EQTN: variants seen among roughly 807,000 people sequenced by gnomAD.
EQTN encodes equatorin, also known as Acrosome formation associated factor.
EQTN carries 29 observed loss-of-function variants against 26.9 expected under a neutral mutation model. That is an observed-to-expected ratio of 1.08 (90% CI 0.80 to 1.47). The LOEUF (loss-of-function observed/expected upper bound fraction) is 1.47. Ranked by LOEUF, EQTN falls within the 40% of genes most tolerant of loss-of-function variation. EQTN has a pLI of 0.00. For synonymous variants in EQTN, 129 were observed against 120.0 expected, an observed-to-expected ratio of 1.07 and a Z score of -0.49; for missense variants, 391 against 346.1, an observed-to-expected ratio of 1.13 and a Z score of -1.03.
intron 5 of EQTN, 83 bp downstream of exon 5, chr9:27,290,936 G>T: frequency 8.6e-7 from 1 of 1,159,230 alleles, no homozygotes; most frequent in Non-Finnish European, 1.2e-6. Flanking sequence ...CTCAGTATTA[G>T]AGGTATTTAG....
At chr9:27,295,688 C>T (rs375522898) in intron 2 of EQTN, among the ~76,000 whole-genome samples, 11 of 151,916 alleles carry the variant, frequency 7.2e-5, no homozygotes, top group African/African-American at 1.9e-4. Flanking sequence ...AAAAATTAGC[C>T]GGGCGTGGTG....
Position 27,286,227 on chromosome 9 carries a change from T to C in EQTN, c.617A>G (p.Tyr206Cys). The change falls in exon 7 of 8, where the codon TAC (tyrosine) becomes TGC (cysteine). Residue 206 changes from tyrosine (Y) to cysteine (C), a missense_variant. Transcript: ENST00000380032. Reference sequence around the variant, plus strand: ...GACTTACCTCAGATGCCTCAGTTTGTACAGTGTAGCACTACAGAATGCCAA... The same window carrying C: ...GACTTACCTCAGATGCCTCAGTTTGCACAGTGTAGCACTACAGAATGCCAA... Reference protein sequence around the residue: ...VLLAFCSATLYKLRHLSYKSC... With the variant: ...VLLAFCSATLCKLRHLSYKSC... The C allele has an allele frequency of 6.2e-7, 1 of 1,614,018 alleles. No individual in the cohort carries two copies. Among genetic ancestry groups the C allele is most frequent in the Non-Finnish European group, 8.5e-7 (1 of 1,179,948 alleles).
chr9:27,291,853 G>A (rs1238233633), intron 4 of EQTN, among the ~76,000 whole-genome samples: 1 of 152,086 alleles, frequency 6.6e-6, no homozygotes, highest in East Asian at 1.9e-4. Flanking sequence ...CAATTAGGCC[G>A]CTTATTCAAG....
chr9:27,287,992 G>C (rs1480547859), intron 6 of EQTN, among the ~76,000 whole-genome samples: 1 of 152,110 alleles, frequency 6.6e-6, no homozygotes, highest in Non-Finnish European at 1.5e-5. Context: ...TTTTAACAGA[G>C]ACGGGGTTTC....
chr9:27,287,664 C>A (rs1354875285), intron 6 of EQTN, among the ~76,000 whole-genome samples: 1 of 152,098 alleles, frequency 6.6e-6, no homozygotes, highest in Non-Finnish European at 1.5e-5. Flanking sequence ...GCTCAATAAA[C>A]AATAAAATCA....
chr9:27,290,029 T>C (rs1314690570), intron 5 of EQTN, among the ~76,000 whole-genome samples: 2 of 152,232 alleles, frequency 1.3e-5, no homozygotes, highest in Non-Finnish European at 2.9e-5. Context: ...ACTTAATACA[T>C]ATTGTTGATT....
At chr9:27,292,754 G>A (rs1034031957) in intron 3 of EQTN, among the ~76,000 whole-genome samples, 9 of 152,090 alleles carry the variant, frequency 5.9e-5, no homozygotes, top group Non-Finnish European at 1.0e-4. Flanking sequence ...ATGCGGCCCC[G>A]GGCTTTCTTC....
intron 5 of EQTN, among the ~76,000 whole-genome samples, chr9:27,290,309 T>G (rs2131306756): frequency 7.6e-6 from 1 of 131,300 alleles, no homozygotes. Context: ...AATATTGCCT[T>G]GTTCTACTTC....
chr9:27,287,690 A>G (rs1820148934), intron 6 of EQTN, among the ~76,000 whole-genome samples: 1 of 152,262 alleles, frequency 6.6e-6, no homozygotes, highest in African/African-American at 2.4e-5. Context: ...GCTGAATTTA[A>G]TCACTTAAAT....
Position 27,289,199 on chromosome 9 carries a change from T to C in EQTN, c.481+473A>G, listed in dbSNP as rs547200699. Among the ~76,000 whole-genome samples the C allele has an allele frequency of 2.6e-5, 4 of 152,318 alleles. No individual in the cohort carries two copies. The South Asian group carries it at 8.3e-4, about 32-fold the overall frequency. ...AAAAAAGACTGCATTCTACATATTA[T>C]TCACTCACCTCCTCCATTTGGTTTC... On this transcript the variant is annotated intron_variant, in intron 6 of 7. Transcript: ENST00000380032.
In EQTN at chr9:27,296,625, C is replaced by A. The variant is rs1376455124; in HGVS notation, c.190G>T (p.Asp64Tyr). 6.5e-7 allele frequency: 1 copy of A among 1,533,160 alleles called. No individual in the cohort carries two copies. The highest frequency in any genetic ancestry group is 9.0e-7 in the Non-Finnish European group (1 of 1,112,302). The allele number at this position is 1,533,160 out of a possible 1,614,324, so 95.0% of individuals were successfully genotyped here. Reference sequence around the variant, plus strand: ...TTTAAAGACTTACATTGTTTTATATCTTTATAATAATTGCCATTTTTCTCA... The same window carrying A: ...TTTAAAGACTTACATTGTTTTATATATTTATAATAATTGCCATTTTTCTCA... ...ANEKNGNYYK[D>Y]IKQYVFTTQN... The change falls in exon 2 of 8, where the codon GAT becomes TAT. Residue 64 changes from aspartate to tyrosine, a missense_variant. Coordinates refer to ENST00000380032, the MANE Select transcript of EQTN (RefSeq NM_020641.3).
chr9:27,291,126 T>C (rs1820227114), intron 4 of EQTN, 63 bp from the exon 5 acceptor site: 3 of 1,436,600 alleles, frequency 2.1e-6, no homozygotes, highest in African/African-American at 1.6e-5. Flanking sequence ...CAAAATAATT[T>C]AGTTTGAGGA....
Position 27,291,059 on chromosome 9 carries a change from T to C in EQTN, c.381A>G (p.Ser127=), listed in dbSNP as rs774424773. 7.4e-6 allele frequency: 12 copies of C among 1,610,828 alleles called. No homozygotes were observed. The Admixed American group carries it at 1.7e-4, about 23-fold the overall frequency. Residue 127 remains serine (S), a synonymous_variant, in exon 5 of 8, where the codon TCA becomes TCG. Coordinates refer to ENST00000380032, the MANE Select transcript of EQTN (RefSeq NM_020641.3). ...SEPSHKNIQR[S]TPNVPAFWTM... ...TCCAAAATGCAGGCACGTTTGGGGTTGATCCTGTTAAAACAAAACAAAACA... is the reference window on the plus strand; with the variant it reads ...TCCAAAATGCAGGCACGTTTGGGGTCGATCCTGTTAAAACAAAACAAAACA...
chr9:27,291,955 G>A (rs953144636), intron 4 of EQTN, among the ~76,000 whole-genome samples: 6 of 152,010 alleles, frequency 3.9e-5, no homozygotes, highest in Admixed American at 3.9e-4. Flanking sequence ...TGGTAATTTT[G>A]ATTTTGCAGC....
chr9:27,285,908 A>G (rs759276843), intron 7 of EQTN, among the ~76,000 whole-genome samples: 1 of 152,228 alleles, frequency 6.6e-6, no homozygotes, highest in Non-Finnish European at 1.5e-5. Context: ...CAGATATGCT[A>G]TTCAGAACAA....
chr9:27,294,518 AG>A (rs1820298977), intron 2 of EQTN, 116 bp from the exon 3 acceptor site: 1 of 458,568 alleles, frequency 2.2e-6, no homozygotes. Context: ...AAATTAAAAA[AG>A]TTATAGTCAT....
rs780135001 is a variant in EQTN at position 27,296,623 on chromosome 9, A to G, written c.192T>C (p.Asp64=). The change falls in exon 2 of 8, where the codon GAT becomes GAC. Residue 64 remains aspartate, a synonymous_variant. Transcript: ENST00000380032. ...ANEKNGNYYK[D]IKQYVFTTQN... ...ACTTTAAAGACTTACATTGTTTTAT[A>G]TCTTTATAATAATTGCCATTTTTCT... 3 of 1,522,248 alleles carry G rather than the reference A, an allele frequency of 2.0e-6. No individual in the cohort carries two copies. The South Asian group carries it at 3.5e-5, about 18-fold the overall frequency. The allele number at this position is 1,522,248 out of a possible 1,614,324, so 94.3% of individuals were successfully genotyped here. A position where few individuals can be genotyped will look rare whatever the true frequency, so the allele number is the denominator to read the frequency against.
intron 5 of EQTN, among the ~76,000 whole-genome samples, chr9:27,290,326 G>A (rs116156342): frequency 0.035 from 5,391 of 152,312 alleles, 150 homozygotes; most frequent in East Asian, 0.041. Flanking sequence ...CTTCAGCTGG[G>A]AATGTGTGTG....
intron 5 of EQTN, 129 bp downstream of exon 5, chr9:27,290,890 G>A: frequency 1.6e-6 from 1 of 608,012 alleles, no homozygotes; most frequent in Non-Finnish European, 2.6e-6. Context: ...TTTGAAGTTT[G>A]CTATTACATG....
Sources: gnomAD v4.1 joint callset for allele counts (sites outside exome capture counted in the v4.1 genomes callset) on GRCh38, gnomAD v4.1.1 for gene constraint, MANE v1.5 for transcripts, NCBI Gene and HGNC (gene_info 2026-07-23, HGNC 2026-07-21) for gene names.